PRDM6: variants seen among roughly 807,000 people sequenced by gnomAD.
The protein encoded by PRDM6 is PR/SET domain 6, also known as putative histone-lysine N-methyltransferase PRDM6.
Under a neutral mutation model 60.8 loss-of-function variants are expected in PRDM6, and 25 were observed. That is an observed-to-expected ratio of 0.41 (90% CI 0.30 to 0.57). The LOEUF is 0.57. Among genes scored for constraint, PRDM6 ranks in the 20% least tolerant of loss-of-function variants. PRDM6 has a pLI of 0.27. For missense variants in PRDM6, 839 were observed against 821.3 expected, an observed-to-expected ratio of 1.02 and a Z score of -0.26; for synonymous variants, 407 against 357.4, an observed-to-expected ratio of 1.14 and a Z score of -1.57.
intron 6 of PRDM6, among the ~76,000 whole-genome samples, chr5:123,171,631 A>G (rs994057480): frequency 1.3e-5 from 2 of 152,192 alleles, no homozygotes; most frequent in Non-Finnish European, 2.9e-5. Flanking sequence ...TCTGCTAGTG[A>G]TGTGGAGGAA....
chr5:123,185,144 A>G (rs1315888720), intron 7 of PRDM6, among the ~76,000 whole-genome samples: 2 of 152,198 alleles, frequency 1.3e-5, no homozygotes, highest in East Asian at 3.8e-4. Flanking sequence ...AATATTACAT[A>G]TAGACATACA....
intron 3 of PRDM6, among the ~76,000 whole-genome samples, chr5:123,148,912 A>G (rs1416457917): frequency 6.6e-6 from 1 of 152,194 alleles, no homozygotes; most frequent in African/African-American, 2.4e-5. Context: ...TTTCCCAACC[A>G]TATAACTGAG....
rs752561406 is a variant in PRDM6 at position 123,187,944 on chromosome 5, G to A, written c.*743G>A. The A allele has an allele frequency of 1.1e-4, 16 of 151,442 alleles. No individual in the cohort carries two copies. Among genetic ancestry groups the A allele is most frequent in the Admixed American group, 3.9e-4 (6 of 15,210 alleles). 9.4% of individuals were successfully genotyped at this position (151,442 alleles called of 1,614,324 possible). The stretch of plus-strand genomic sequence containing the variant: ...TAAAATGTACGGAGCTTCATAATAC[G>A]TTATATTGTTCCGAAGCAGCTCGTT... On this transcript the variant is annotated 3_prime_UTR_variant, in exon 8 of 8. Coordinates refer to ENST00000407847, the MANE Select transcript of PRDM6 (RefSeq NM_001136239.4).
At chr5:123,153,572 A>T (rs909063474) in intron 3 of PRDM6, among the ~76,000 whole-genome samples, 4 of 152,204 alleles carry the variant, frequency 2.6e-5, no homozygotes, top group African/African-American at 9.7e-5. Context: ...ACCTCATGCC[A>T]TGTGCTACAT....
chr5:123,163,664 G>T (rs539795734), intron 5 of PRDM6, among the ~76,000 whole-genome samples: 12 of 152,148 alleles, frequency 7.9e-5, no homozygotes, highest in Non-Finnish European at 1.5e-4. Flanking sequence ...GATCACATCC[G>T]CAAGAAGGAA....
At chr5:123,119,825 A>C (rs1021852881) in intron 3 of PRDM6, among the ~76,000 whole-genome samples, 1 of 152,374 alleles carries the variant, frequency 6.6e-6, no homozygotes. Flanking sequence ...ACAGAAAGGA[A>C]TTCAAACAGT....
chr5:123,130,292 C>T (rs1764802532), intron 3 of PRDM6, among the ~76,000 whole-genome samples: 1 of 86,776 alleles, frequency 1.2e-5, no homozygotes, highest in Non-Finnish European at 2.3e-5. Context: ...CCTTCCCTTC[C>T]CTCCCCTCCC....
chr5:123,118,930 C>G (rs1580492859), intron 3 of PRDM6, among the ~76,000 whole-genome samples: 1 of 152,148 alleles, frequency 6.6e-6, no homozygotes, highest in Non-Finnish European at 1.5e-5. Flanking sequence ...ATGAATGCAT[C>G]TTGCTAGATT....
chr5:123,100,174 A>T (rs974266752), intron 3 of PRDM6, among the ~76,000 whole-genome samples: 3 of 152,226 alleles, frequency 2.0e-5, no homozygotes, highest in African/African-American at 7.2e-5. Context: ...GCTGGGACTG[A>T]CACAATAGCA....
intron 7 of PRDM6, among the ~76,000 whole-genome samples, chr5:123,182,202 T>G (rs115126382): frequency 0.013 from 1,968 of 152,324 alleles, 51 homozygotes; most frequent in African/African-American, 0.045. Flanking sequence ...CTATCACCAG[T>G]GCTTGTATCC....
chr5:123,180,426 C>G, intron 7 of PRDM6, 103 bp downstream of exon 7: 1 of 1,220,072 alleles, frequency 8.2e-7, no homozygotes, highest in Non-Finnish European at 1.1e-6. Context: ...CTGGCACAGG[C>G]TACTTGGAAG....
At position 123,155,932 on chromosome 5, in the gene PRDM6, C is replaced by G; in HGVS notation, c.949C>G (p.Pro317Ala). 6.4e-7 allele frequency: 1 copy of G among 1,551,574 alleles called. No homozygotes were observed. Among genetic ancestry groups the G allele is most frequent in the Non-Finnish European group, 8.7e-7 (1 of 1,146,904 alleles). Reference sequence around the variant, plus strand: ...ACAGCACTTTATTGATGGTGGGGAACCTAGTAAGTCGAGCTGGATGAGGTA... The same window carrying G: ...ACAGCACTTTATTGATGGTGGGGAAGCTAGTAAGTCGAGCTGGATGAGGTA... ...TLQHFIDGGE[P>A]SKSSWMRYIR... The change falls in exon 4 of 8, where the codon CCT becomes GCT. Residue 317 changes from proline to alanine, a missense_variant. By Grantham distance (27) the Pro-to-Ala change is conservative (BLOSUM62 -1). Around this residue, in one of 2 missense-constraint regions of PRDM6, gnomAD observed 730 missense variants for 648.8 expected, o/e 1.13. Coordinates refer to ENST00000407847, the MANE Select transcript of PRDM6 (RefSeq NM_001136239.4).
In PRDM6 at chr5:123,156,022, T is replaced by C; in HGVS notation, c.1028+11T>C. ...AGTAGTTCAGTACAGGTAAAGTATA[T>C]CTTGATTTACCACCTACAGAGCTGA... is the stretch of plus-strand genomic sequence containing the variant. On this transcript the variant is annotated intron_variant, in intron 4 of 7. Coordinates refer to ENST00000407847, the MANE Select transcript of PRDM6 (RefSeq NM_001136239.4). 1.3e-6 allele frequency: 2 copies of C among 1,547,784 alleles called. No homozygotes were observed. The highest frequency in any genetic ancestry group is 1.7e-6 in the Non-Finnish European group (2 of 1,145,216).
chr5:123,173,820 G>A (rs1765949381), intron 6 of PRDM6, among the ~76,000 whole-genome samples: 1 of 152,168 alleles, frequency 6.6e-6, no homozygotes, highest in Non-Finnish European at 1.5e-5. Flanking sequence ...TAAAGGGCTG[G>A]AATGGCTCAT....
chr5:123,166,105 G>T (rs1486096791), intron 5 of PRDM6, among the ~76,000 whole-genome samples: 3 of 152,154 alleles, frequency 2.0e-5, no homozygotes, highest in African/African-American at 7.2e-5. Context: ...TATTTCCGTG[G>T]CCTGTCCATC....
At chr5:123,109,109 G>A (rs183161716) in intron 3 of PRDM6, among the ~76,000 whole-genome samples, 21 of 152,126 alleles carry the variant, frequency 1.4e-4, no homozygotes, top group African/African-American at 4.3e-4. Context: ...AAAACAAAGC[G>A]TTTCTGGGGT....
intron 3 of PRDM6, among the ~76,000 whole-genome samples, chr5:123,120,652 T>A (rs1008575578): frequency 6.6e-6 from 1 of 152,256 alleles, no homozygotes; most frequent in South Asian, 2.1e-4. Flanking sequence ...CCTATGGGCA[T>A]GTAGTATGCT....
intron 5 of PRDM6, among the ~76,000 whole-genome samples, chr5:123,167,674 C>G (rs998461877): frequency 6.6e-6 from 1 of 152,194 alleles, no homozygotes; most frequent in African/African-American, 2.4e-5. Context: ...CAGGCGTGAG[C>G]CACCACATCC....
intron 5 of PRDM6, among the ~76,000 whole-genome samples, chr5:123,166,783 C>T (rs552748301): frequency 3.3e-5 from 5 of 152,318 alleles, no homozygotes; most frequent in African/African-American, 1.2e-4. Context: ...TTGCCTCTCT[C>T]AATATTTTAA....
Sources: allele counts gnomAD v4.1 joint callset (sites outside exome capture counted in the v4.1 genomes callset), GRCh38; gene constraint gnomAD v4.1.1; regional missense constraint gnomAD v4.1.1; transcripts MANE v1.5; gene names NCBI Gene and HGNC (gene_info 2026-07-23, HGNC 2026-07-21).